Variants in USP25 observed in about 807,000 individuals in gnomAD.
USP25 encodes the protein ubiquitin specific peptidase 25.
Under a neutral mutation model 158.5 loss-of-function variants are expected in USP25, and 85 were observed. The observed-to-expected ratio is 0.54, with a 90% CI of 0.45 to 0.64. The LOEUF (loss-of-function observed/expected upper bound fraction) is 0.64. Among genes scored for constraint, USP25 ranks in the 30% least tolerant of loss-of-function variants. The probability of loss-of-function intolerance (pLI) is 0.00; values close to 1 mark genes in which losing one functional copy is unlikely to be tolerated. For synonymous variants in USP25, 464 were observed against 460.4 expected (o/e 1.01, Z -0.10); for missense variants, 1,242 against 1,327.3 (o/e 0.94, Z 1.00).
rs145592480 is a variant in USP25 at position 15,757,339 on chromosome 21, C to T, written c.46-5552C>T. Among the ~76,000 whole-genome samples, 56 of 152,232 alleles carry T rather than the reference C, an allele frequency of 3.7e-4. No homozygotes were observed. The East Asian group carries it at 7.9e-3, about 21-fold the overall frequency. The stretch of plus-strand genomic sequence containing the variant: ...TTTCTTTTCCACCTGGCCTTCTCCC[C>T]GATCACCAGTTCTTTTCATTGTTTC... On this transcript the variant is annotated intron_variant, in intron 1 of 25. Transcript: ENST00000400183.
intron 12 of USP25, among the ~76,000 whole-genome samples, chr21:15,825,573 C>T (rs2037461901): frequency 1.3e-5 from 2 of 151,990 alleles, no homozygotes; most frequent in South Asian, 4.1e-4. Flanking sequence ...TGAGTATGGC[C>T]TCACTGTTGT....
chr21:15,830,891 A>G (rs2037768603), intron 15 of USP25, among the ~76,000 whole-genome samples: 1 of 152,150 alleles, frequency 6.6e-6, no homozygotes, highest in African/African-American at 2.4e-5. Context: ...AAAATCTACC[A>G]AAGTTTTTCA....
chr21:15,786,697 A>T (rs1450901205), intron 4 of USP25, among the ~76,000 whole-genome samples: 1 of 152,146 alleles, frequency 6.6e-6, no homozygotes, highest in Non-Finnish European at 1.5e-5. Context: ...AAGCTTTTCC[A>T]CTAAGATCAA....
At chr21:15,779,171 G>T (rs558186391) in intron 4 of USP25, among the ~76,000 whole-genome samples, 285 of 152,060 alleles carry the variant, frequency 1.9e-3, no homozygotes, top group African/African-American at 6.4e-3. Context: ...CCCCTCATTA[G>T]TTGTGGCTAA....
intron 1 of USP25, among the ~76,000 whole-genome samples, chr21:15,742,502 CTGAA>C (rs35149155): frequency 0.23 from 35,024 of 151,786 alleles, 5,431 homozygotes; most frequent in African/African-American, 0.45. Context: ...AAACACTGGG[CTGAA>C]TGAAGTTCTG....
At chr21:15,730,746 TTATTCTCTCCCCTTAAATGAG>T (rs1452493591) in intron 1 of USP25, among the ~76,000 whole-genome samples, 1 of 152,198 alleles carries the variant, frequency 6.6e-6, no homozygotes, top group Non-Finnish European at 1.5e-5. Context: ...TAATGAAACT[TTATTCTCTCCCCTTAAATGAG>T]AAAGAATAGC....
In USP25 at chr21:15,875,267, C is replaced by CT. The variant is rs1490109482; in HGVS notation, c.3009+744dup. Among the ~76,000 whole-genome samples, 6 of 152,176 alleles carry CT rather than the reference C, an allele frequency of 3.9e-5. No homozygotes were observed. Among genetic ancestry groups the CT allele is most frequent in the African/African-American group, 1.4e-4 (6 of 41,446 alleles). On this transcript the variant is annotated intron_variant, in intron 24 of 25. Transcript: ENST00000400183. This position sits in a 1 kb window ranked among gnomAD's most constrained non-coding sequence, Gnocchi z 4.7. ...TCAGGTACAAGAATAGTATAGCTGA[C>CT]TTTAAACATACATAGAACCAAAACC...
At chr21:15,750,040 G>C (rs1040412833) in intron 1 of USP25, among the ~76,000 whole-genome samples, 2 of 151,970 alleles carry the variant, frequency 1.3e-5, no homozygotes, top group Non-Finnish European at 2.9e-5. Flanking sequence ...TTCAGGGTGG[G>C]TACTCTTTAC....
At chr21:15,790,110 G>A (rs1216059977) in intron 4 of USP25, among the ~76,000 whole-genome samples, 1 of 151,940 alleles carries the variant, frequency 6.6e-6, no homozygotes, top group African/African-American at 2.4e-5. Flanking sequence ...ACAGTAGAAT[G>A]TTCTAGATAT....
At chr21:15,865,919 A>G (rs923144779) in intron 21 of USP25, among the ~76,000 whole-genome samples, 6 of 152,008 alleles carry the variant, frequency 3.9e-5, no homozygotes, top group Non-Finnish European at 7.4e-5. Flanking sequence ...ATGTGGGGGG[A>G]AAAGAAGATG....
At chr21:15,782,560 G>T (rs1027288311) in intron 4 of USP25, among the ~76,000 whole-genome samples, 1 of 152,154 alleles carries the variant, frequency 6.6e-6, no homozygotes, top group African/African-American at 2.4e-5. Flanking sequence ...CCAGCTTGGT[G>T]CCAACTCCAG....
rs10595077 is a variant in USP25 at position 15,851,503 on chromosome 21, T to TACACAC, written c.2547+1650_2547+1655dup. Among the ~76,000 whole-genome samples the TACACAC allele has an allele frequency of 4.9e-4, 73 of 147,782 alleles. No individual in the cohort carries two copies. The South Asian group carries it at 6.2e-3, about 13-fold the overall frequency. ...TGAGAGACACAGCTCCTATCCCCCA[T>TACACAC]ACACACACACACACACACACACACG... is the stretch of plus-strand genomic sequence containing the variant. On this transcript the variant is annotated intron_variant, in intron 20 of 25. Coordinates refer to ENST00000400183, the MANE Select transcript of USP25 (RefSeq NM_001283041.3).
At chr21:15,838,619 A>G (rs532606219) in intron 17 of USP25, among the ~76,000 whole-genome samples, 1 of 152,234 alleles carries the variant, frequency 6.6e-6, no homozygotes, top group Non-Finnish European at 1.5e-5. Flanking sequence ...CTTACAGGGT[A>G]TTGTGGACTT....
intron 3 of USP25, among the ~76,000 whole-genome samples, chr21:15,773,978 G>A (rs182173487): frequency 1.1e-4 from 16 of 152,232 alleles, no homozygotes; most frequent in Admixed American, 8.5e-4. Flanking sequence ...AGTTGTTTTG[G>A]TTGAAGTTTG....
rs531935305 is a variant in USP25, at chr21:15,856,626, C to T, written c.2547+6754C>T. Among the ~76,000 whole-genome samples the T allele has an allele frequency of 5.0e-4, 76 of 152,266 alleles. 1 individual carries two copies. The highest frequency in any genetic ancestry group is 1.8e-3 in the African/African-American group (76 of 41,566). On this transcript the variant is annotated intron_variant, in intron 20 of 25. Transcript: ENST00000400183. The stretch of plus-strand genomic sequence containing the variant: ...AGCTGGGACTACAGGTGCCCGCTAC[C>T]ACGCCCGGCTAATTTTTTGTATTTT...
intron 20 of USP25, among the ~76,000 whole-genome samples, chr21:15,855,116 G>C (rs1210105376): frequency 1.3e-5 from 2 of 152,090 alleles, no homozygotes; most frequent in Non-Finnish European, 2.9e-5. Flanking sequence ...TTACAATTAT[G>C]GGATTAGTGT....
chr21:15,799,159 A>G (rs528734687), intron 5 of USP25, among the ~76,000 whole-genome samples: 108 of 151,346 alleles, frequency 7.1e-4, no homozygotes, highest in Non-Finnish European at 1.2e-3. Flanking sequence ...GTTGCAAACT[A>G]CAGTTTAAAA....
At chr21:15,834,513 T>A (rs1333276675) in intron 17 of USP25, among the ~76,000 whole-genome samples, 1 of 152,186 alleles carries the variant, frequency 6.6e-6, no homozygotes, top group Non-Finnish European at 1.5e-5. Context: ...ATTTCATCTT[T>A]CGCAGACAGA....
intron 21 of USP25, among the ~76,000 whole-genome samples, chr21:15,865,669 T>C (rs933273032): frequency 6.6e-6 from 1 of 152,180 alleles, no homozygotes; most frequent in Non-Finnish European, 1.5e-5. Context: ...GGAGAAGATA[T>C]TAATGGAGTA....
Sources: gnomAD v4.1 joint callset for allele counts (sites outside exome capture counted in the v4.1 genomes callset) on GRCh38, gnomAD v4.1.1 for gene constraint, Gnocchi (gnomAD v3.1) non-coding constraint, MANE v1.5 for transcripts, NCBI Gene and HGNC (gene_info 2026-07-23, HGNC 2026-07-21) for gene names.